Variants in GRAMD1A observed in about 807,000 individuals in gnomAD.
GRAMD1A encodes the protein GRAM domain containing 1A.
A neutral mutation model predicts 92.0 loss-of-function variants in GRAMD1A; 50 were observed. That is an observed-to-expected ratio of 0.54 (90% CI 0.43 to 0.69). The LOEUF (loss-of-function observed/expected upper bound fraction) is 0.69. GRAMD1A is among the 30% of genes least tolerant of loss of function. GRAMD1A has a pLI of 0.00. For synonymous variants in GRAMD1A, 405 were observed against 403.6 expected (o/e 1.00, Z -0.04); for missense variants, 819 against 978.9 (o/e 0.84, Z 2.18).
At position 35,014,352 on chromosome 19, in the gene GRAMD1A, A is replaced by G. The variant is rs2015473110; in HGVS notation, c.1034A>G (p.Asp345Gly). The G allele has an allele frequency of 6.2e-7, 1 of 1,614,128 alleles. No individual in the cohort carries two copies. Among genetic ancestry groups the G allele is most frequent in the South Asian group, 1.1e-5 (1 of 91,080 alleles). ...DLLPSEELLT[D>G]TSNSSSSTGE... ...CTGCCCAGTGAGGAGCTATTGACAGACACAAGTAACTCCTCTTCATCCACT... is the reference window on the plus strand; with the variant it reads ...CTGCCCAGTGAGGAGCTATTGACAGGCACAAGTAACTCCTCTTCATCCACT... Residue 345 changes from aspartate to glycine, a missense_variant, in exon 10 of 20, where the codon GAC (aspartate) becomes GGC (glycine). Physicochemically the swap from Asp to Gly is moderately conservative, Grantham distance 94 (BLOSUM62 -1). This residue lies in a region of GRAMD1A where 577 missense variants were observed against 674.6 expected (regional missense o/e 0.86). Coordinates refer to ENST00000317991, the MANE Select transcript of GRAMD1A (RefSeq NM_020895.5).
upstream of GRAMD1A, chr19:34,996,284 C>T: frequency 5.2e-6 from 8 of 1,525,462 alleles, no homozygotes; most frequent in Non-Finnish European, 7.0e-6. Context: ...GAGTCTGTCC[C>T]AGGACAGGTC....
At chr19:35,016,095 T>A in intron 11 of GRAMD1A, 128 bp downstream of exon 11, 1 of 993,074 alleles carries the variant, frequency 1.0e-6, no homozygotes, top group Non-Finnish European at 1.5e-6. Context: ...AAGCAATGTC[T>A]GTCAGACCAG....
chr19:35,020,842 C>T (rs1263564243), intron 13 of GRAMD1A, among the ~76,000 whole-genome samples: 4 of 152,084 alleles, frequency 2.6e-5, no homozygotes, highest in Non-Finnish European at 5.9e-5. Flanking sequence ...AAGACAGGTA[C>T]AGGAGCAGGG....
chr19:35,012,164 G>A (rs1437966498), intron 7 of GRAMD1A, among the ~76,000 whole-genome samples: 1 of 152,200 alleles, frequency 6.6e-6, no homozygotes, highest in Non-Finnish European at 1.5e-5. Flanking sequence ...AGTCATGTCA[G>A]CTCTTATGAG....
upstream of GRAMD1A, among the ~76,000 whole-genome samples, chr19:34,995,493 A>G (rs934153749): frequency 6.6e-5 from 10 of 150,680 alleles, no homozygotes; most frequent in African/African-American, 9.8e-5. Flanking sequence ...AAAAGAGGAA[A>G]CAGGCTTGGG....
At position 35,000,666 on chromosome 19, in the gene GRAMD1A, G is replaced by C. The variant is rs886942590; in HGVS notation, c.8+180G>C. ...GGGGCAGGGGGCCCCCGGGCGAGGG[G>C]TGCAGCTGGGGAGTGGGGCGCGGAC... On this transcript the variant is annotated intron_variant, in intron 1 of 19. Transcript: ENST00000317991. The surrounding 1 kb of genome is among the most constrained non-coding windows in gnomAD (Gnocchi z 4.9). Among the ~76,000 whole-genome samples the C allele has an allele frequency of 6.6e-6, 1 of 151,882 alleles. No individual in the cohort carries two copies. Among genetic ancestry groups the C allele is most frequent in the African/African-American group, 2.4e-5 (1 of 41,360 alleles).
chr19:35,015,630 G>C (rs2015566413), intron 10 of GRAMD1A, 194 bp from the exon 11 acceptor site: 1 of 544,458 alleles, frequency 1.8e-6, no homozygotes, highest in Non-Finnish European at 3.2e-6. Context: ...GTGGCTGTCT[G>C]TCTGGGCCTG....
chr19:35,009,979 C>G lies in GRAMD1A; in HGVS notation c.325+7C>G. The G allele has an allele frequency of 6.3e-7, 1 of 1,599,816 alleles. No homozygotes were observed. Among genetic ancestry groups the G allele is most frequent in the Non-Finnish European group, 8.6e-7 (1 of 1,166,856 alleles). On this transcript the variant is annotated splice_region_variant and intron_variant, in intron 4 of 19. Coordinates refer to ENST00000317991, the MANE Select transcript of GRAMD1A (RefSeq NM_020895.5). ...GCAGAACGCCTCATTGTGGGTGAGT[C>G]CCGGACCCCCAGTCCCAGCTCCTAG...
Position 35,015,867 on chromosome 19 carries a change from C to T in GRAMD1A, c.1113C>T (p.Leu371=), listed in dbSNP as rs550103177. 5 of 1,614,160 alleles carry T rather than the reference C, an allele frequency of 3.1e-6. No individual in the cohort carries two copies. Among genetic ancestry groups the T allele is most frequent in the East Asian group, 2.2e-5 (1 of 44,876 alleles). The change falls in exon 11 of 20, where the codon CTC becomes CTT. Residue 371 remains leucine, a synonymous_variant. Coordinates refer to ENST00000317991, the MANE Select transcript of GRAMD1A (RefSeq NM_020895.5). The part of the protein sequence containing the change: ...ALLPDLSGRL[L]INSVFHVGAE... ...TTCCCGACCTCTCCGGCCGCCTCCTCATCAACTCTGTCTTCCATGTGGGCG... is the reference window on the plus strand; with the variant it reads ...TTCCCGACCTCTCCGGCCGCCTCCTTATCAACTCTGTCTTCCATGTGGGCG...
intron 11 of GRAMD1A, 124 bp downstream of exon 11, chr19:35,016,091 T>A: frequency 9.7e-7 from 1 of 1,033,342 alleles, no homozygotes; most frequent in Middle Eastern, 2.8e-4. Context: ...TGAAAAGCAA[T>A]GTCTGTCAGA....
chr19:35,014,436 G>T (rs200320842), intron 10 of GRAMD1A, 49 bp downstream of exon 10: 31 of 1,531,278 alleles, frequency 2.0e-5, no homozygotes, highest in African/African-American at 2.7e-5. Context: ...TGCAAGCCTC[G>T]CTCAGTCTTA....
In GRAMD1A at chr19:35,013,789, G is replaced by T; in HGVS notation, c.870+98G>T. 8.0e-7 allele frequency: 1 copy of T among 1,244,408 alleles called. No individual in the cohort carries two copies. Among genetic ancestry groups the T allele is most frequent in the Non-Finnish European group, 1.1e-6 (1 of 879,076 alleles). The allele number at this position is 1,244,408 out of a possible 1,614,324, so 77.1% of individuals were successfully genotyped here. Reference sequence around the variant, plus strand: ...AGAACAGCCTGACAGATTTGGAGGGGAATGGATAGGGGGACAGGGGAGGCC... The same window carrying T: ...AGAACAGCCTGACAGATTTGGAGGGTAATGGATAGGGGGACAGGGGAGGCC... On this transcript the variant is annotated intron_variant, in intron 9 of 19. Coordinates refer to ENST00000317991, the MANE Select transcript of GRAMD1A (RefSeq NM_020895.5). This position sits in a 1 kb window ranked among gnomAD's most constrained non-coding sequence, Gnocchi z 4.9.
intron 1 of GRAMD1A, among the ~76,000 whole-genome samples, chr19:35,005,697 G>C (rs1368414796): frequency 6.6e-6 from 1 of 152,136 alleles, no homozygotes; most frequent in Non-Finnish European, 1.5e-5. Flanking sequence ...TTACATGAGT[G>C]CCTACCCTGC....
chr19:35,016,130 G>A (rs993174826), intron 11 of GRAMD1A, among the ~76,000 whole-genome samples, 163 bp downstream of exon 11: 1 of 152,190 alleles, frequency 6.6e-6, no homozygotes, highest in Non-Finnish European at 1.5e-5. Context: ...CTTACTAGCT[G>A]GGTAGGCTTG....
At chr19:35,009,735 C>A in intron 3 of GRAMD1A, 153 bp from the exon 4 acceptor site, 3 of 665,792 alleles carry the variant, frequency 4.5e-6, no homozygotes, top group Non-Finnish European at 8.1e-6. Flanking sequence ...CATAAGAAAT[C>A]TGTAAATGGC....
At chr19:35,025,119 G>C (rs1396528072) in intron 19 of GRAMD1A, 2 of 151,726 alleles carry the variant, frequency 1.3e-5, no homozygotes, top group African/African-American at 2.4e-5. Flanking sequence ...TTTCCTCTCT[G>C]TCAAACTGCT....
chr19:35,021,254 G>A lies in GRAMD1A; in HGVS notation c.1476-248G>A, dbSNP rs1185630355. Among the ~76,000 whole-genome samples the A allele has an allele frequency of 6.6e-6, 1 of 152,190 alleles. No homozygotes were observed. The highest frequency in any genetic ancestry group is 1.5e-5 in the Non-Finnish European group (1 of 68,042). ...TGAGTAGACAGGGCTCAGGCCGCCG[G>A]GAGCGTTGCCCAGGTAGTGGGCATG... On this transcript the variant is annotated intron_variant, in intron 13 of 19. Coordinates refer to ENST00000317991, the MANE Select transcript of GRAMD1A (RefSeq NM_020895.5). This position sits in a 1 kb window ranked among gnomAD's most constrained non-coding sequence, Gnocchi z 5.3.
intron 19 of GRAMD1A, 70 bp downstream of exon 19, chr19:35,023,617 GC>G: frequency 7.0e-7 from 1 of 1,424,364 alleles, no homozygotes; most frequent in Non-Finnish European, 9.3e-7. Context: ...ACCCCACCGT[GC>G]GGCAGGCACT....
At chr19:35,022,551 C>T (rs979720776) in intron 16 of GRAMD1A, among the ~76,000 whole-genome samples, 4 of 127,068 alleles carry the variant, frequency 3.1e-5, no homozygotes, top group Admixed American at 1.6e-4. Context: ...CGGCGGCTTC[C>T]TCCCAGGCCA....
Sources: allele counts gnomAD v4.1 joint callset (sites outside exome capture counted in the v4.1 genomes callset), GRCh38; gene constraint gnomAD v4.1.1; regional missense constraint gnomAD v4.1.1; non-coding constraint Gnocchi (gnomAD v3.1); transcripts MANE v1.5; gene names NCBI Gene and HGNC (gene_info 2026-07-23, HGNC 2026-07-21).